Variants in PRPS1 observed in about 807,000 individuals in gnomAD.
The protein encoded by PRPS1 is phosphoribosyl pyrophosphate synthetase 1, also known as ribose-phosphate pyrophosphokinase 1.
A neutral mutation model predicts 16.9 loss-of-function variants in PRPS1; 1 was observed. That is an observed-to-expected ratio of 0.06 (90% CI 0.02 to 0.28). The LOEUF is 0.28. PRPS1 is among the 10% of genes least tolerant of loss of function. The pLI is 1.00. For synonymous variants in PRPS1, 70 were observed against 90.2 expected (o/e 0.78, Z 1.27); for missense variants, 47 against 254.0 (o/e 0.19, Z 5.54).
intron 4 of PRPS1, among the ~76,000 whole-genome samples, chrX:107,644,969 C>A (rs1925657460): frequency 9.0e-6 from 1 of 111,142 alleles, no homozygotes; most frequent in Admixed American, 9.6e-5. Flanking sequence ...CGCCCGCCAC[C>A]ATGCCCAGCT....
intron 1 of PRPS1, among the ~76,000 whole-genome samples, chrX:107,635,277 G>A (rs750912126): frequency 1.2e-4 from 13 of 112,145 alleles, no homozygotes; most frequent in African/African-American, 2.9e-4. Flanking sequence ...AATGTCTGGA[G>A]CACAGATGAT....
At chrX:107,630,710 T>A (rs771748172) in intron 1 of PRPS1, among the ~76,000 whole-genome samples, 1 of 107,270 alleles carries the variant, frequency 9.3e-6, no homozygotes, top group African/African-American at 3.5e-5. Flanking sequence ...AACATAAGGA[T>A]CATCCTTGGC....
intron 5 of PRPS1, among the ~76,000 whole-genome samples, chrX:107,647,034 C>A (rs1397192083): frequency 8.9e-6 from 1 of 112,607 alleles, no homozygotes; most frequent in Non-Finnish European, 1.9e-5. Context: ...TAGTGCAGTT[C>A]TTTCTCGATA....
At chrX:107,629,244 C>A (rs1925256616) in intron 1 of PRPS1, among the ~76,000 whole-genome samples, 1 of 111,745 alleles carries the variant, frequency 8.9e-6, no homozygotes, top group Non-Finnish European at 1.9e-5. Flanking sequence ...GTCCGTTCGG[C>A]TTGGTGTTGA....
At chrX:107,649,898 G>C in intron 6 of PRPS1, 42 bp from the exon 7 acceptor site, 2 of 1,211,640 alleles carry the variant, frequency 1.7e-6, no homozygotes, top group Non-Finnish European at 2.2e-6. Flanking sequence ...AGTCATCTCT[G>C]ACCATATGAT....
At chrX:107,644,749 G>A (rs747429289) in intron 4 of PRPS1, among the ~76,000 whole-genome samples, 2 of 111,510 alleles carry the variant, frequency 1.8e-5, no homozygotes, top group South Asian at 7.5e-4. Flanking sequence ...CCAGCCCTGG[G>A]AACTATTGGT....
intron 2 of PRPS1, among the ~76,000 whole-genome samples, chrX:107,640,336 T>C (rs1442448836): frequency 2.1e-5 from 2 of 94,861 alleles, no homozygotes; most frequent in African/African-American, 8.3e-5. Flanking sequence ...AGCAAGACTC[T>C]GTCTCTACAA....
chrX:107,649,486 G>A (rs1371863265), intron 6 of PRPS1, among the ~76,000 whole-genome samples: 6 of 110,238 alleles, frequency 5.4e-5, no homozygotes, highest in East Asian at 5.8e-4. Context: ...ACAGAGTCTC[G>A]CTCTGTCACC....
chrX:107,633,469 T>C (rs1356272215), intron 1 of PRPS1, among the ~76,000 whole-genome samples: 1 of 109,156 alleles, frequency 9.2e-6, no homozygotes, highest in Non-Finnish European at 1.9e-5. Context: ...AGCTGAGCTG[T>C]TGATTGATTA....
chrX:107,637,945 T>C (rs1370001703), intron 1 of PRPS1, among the ~76,000 whole-genome samples: 1 of 104,240 alleles, frequency 9.6e-6, no homozygotes, highest in East Asian at 2.9e-4. Flanking sequence ...TATATATATA[T>C]ATATATTTTT....
At chrX:107,643,141 G>A (rs1345478582) in intron 4 of PRPS1, among the ~76,000 whole-genome samples, 2 of 112,290 alleles carry the variant, frequency 1.8e-5, no homozygotes, top group African/African-American at 6.5e-5. Context: ...AAACACAGAT[G>A]ATTAGGAAGA....
chrX:107,632,941 A>T (rs749385243), intron 1 of PRPS1, among the ~76,000 whole-genome samples: 1 of 112,096 alleles, frequency 8.9e-6, no homozygotes, highest in African/African-American at 3.2e-5. Context: ...ACAAGGCAGT[A>T]TCACCTAGTT....
At chrX:107,648,459 C>G (rs776120202) in intron 6 of PRPS1, among the ~76,000 whole-genome samples, 1 of 98,093 alleles carries the variant, frequency 1.0e-5, no homozygotes, top group African/African-American at 3.8e-5. Context: ...GGATCTTGCT[C>G]TGTTGCCCCA....
intron 1 of PRPS1, among the ~76,000 whole-genome samples, chrX:107,634,396 T>A (rs2147677994): frequency 9.4e-6 from 1 of 106,838 alleles, no homozygotes; most frequent in African/African-American, 3.4e-5. Flanking sequence ...TAATTTTTTT[T>A]TTTTTTTTGT....
chrX:107,650,699 ATCTTGATCCTTT>A lies in PRPS1; in HGVS notation c.*668_*679del. The A allele has an allele frequency of 3.3e-6, 1 of 298,914 alleles. No homozygotes were observed. The highest frequency in any genetic ancestry group is 5.8e-6 in the Non-Finnish European group (1 of 171,233). The allele number at this position is 298,914 out of a possible 1,213,427, so 24.6% of individuals were successfully genotyped here. On this transcript the variant is annotated 3_prime_UTR_variant, in exon 7 of 7. Transcript: ENST00000372435. ...TTTCGATTTGGCTTTACCTTCATCT[ATCTTGATCCTTT>A]CCTGGCCAAATATCCTCTTGGGCCC... is the stretch of plus-strand genomic sequence containing the variant.
At chrX:107,639,536 CAAAT>C (rs1384280012) in intron 2 of PRPS1, 58 bp downstream of exon 2, 2 of 1,111,289 alleles carry the variant, frequency 1.8e-6, no homozygotes, top group African/African-American at 3.6e-5. Context: ...CCCCAAATCA[CAAAT>C]AAATTCCAAA....
At chrX:107,632,353 G>A (rs1925324571) in intron 1 of PRPS1, among the ~76,000 whole-genome samples, 1 of 112,309 alleles carries the variant, frequency 8.9e-6, no homozygotes. Flanking sequence ...TGTATCTTCT[G>A]GTTGTGGTTA....
chrX:107,644,049 G>A (rs769343770), intron 4 of PRPS1, among the ~76,000 whole-genome samples: 41 of 112,195 alleles, frequency 3.7e-4, no homozygotes, highest in Admixed American at 8.5e-4. Context: ...ATGGCACAGC[G>A]GAGCATGGAC....
chrX:107,644,689 A>C (rs891679224), intron 4 of PRPS1, among the ~76,000 whole-genome samples: 3 of 112,068 alleles, frequency 2.7e-5, no homozygotes, highest in African/African-American at 9.7e-5. Flanking sequence ...TATAAAACCC[A>C]GTTTGTGATA....
Sources: gnomAD v4.1 joint callset for allele counts (sites outside exome capture counted in the v4.1 genomes callset) on GRCh38, gnomAD v4.1.1 for gene constraint, MANE v1.5 for transcripts, NCBI Gene and HGNC (gene_info 2026-07-23, HGNC 2026-07-21) for gene names.